The following TOX variants were observed in gnomAD, a reference collection of about 807,000 sequenced individuals.
TOX encodes thymocyte selection associated high mobility group box.
A neutral mutation model predicts 53.7 loss-of-function variants in TOX; 11 were observed. That is an observed-to-expected ratio of 0.20 (90% CI 0.13 to 0.34). TOX has a LOEUF of 0.34. Among genes scored for constraint, TOX ranks in the 10% least tolerant of loss-of-function variants. The pLI is 1.00. For missense variants in TOX, 570 were observed against 664.6 expected (o/e 0.86, Z 1.56); for synonymous variants, 225 against 245.3 (o/e 0.92, Z 0.77).
At chr8:58,930,115 T>G (rs1172700913) in intron 3 of TOX, among the ~76,000 whole-genome samples, 2 of 152,184 alleles carry the variant, frequency 1.3e-5, no homozygotes, top group African/African-American at 4.8e-5. Flanking sequence ...TTATAGAATT[T>G]TAGACACCAT....
At chr8:58,989,285 C>T (rs1271546672) in intron 1 of TOX, among the ~76,000 whole-genome samples, 2 of 151,652 alleles carry the variant, frequency 1.3e-5, no homozygotes, top group African/African-American at 4.9e-5. Context: ...CACTGCACTC[C>T]AGCCTGGGTG....
At chr8:58,820,061 T>C (rs748986495) in intron 6 of TOX, among the ~76,000 whole-genome samples, 74 of 152,292 alleles carry the variant, frequency 4.9e-4, no homozygotes, top group Non-Finnish European at 8.5e-4. Flanking sequence ...TTAACAGTCA[T>C]ACAATGATCC....
chr8:59,031,572 T>C (rs932628632), intron 1 of TOX, among the ~76,000 whole-genome samples: 2 of 152,098 alleles, frequency 1.3e-5, no homozygotes, highest in African/African-American at 4.8e-5. Flanking sequence ...AACCAACAAA[T>C]GGGAAAACTT....
intron 2 of TOX, among the ~76,000 whole-genome samples, chr8:58,946,102 G>A (rs938941357): frequency 7.9e-5 from 12 of 151,994 alleles, no homozygotes; most frequent in Non-Finnish European, 1.6e-4. Flanking sequence ...AAATAGTACT[G>A]CCATCAAACA....
At chr8:58,843,324 A>G (rs1458662470) in intron 4 of TOX, among the ~76,000 whole-genome samples, 1 of 152,222 alleles carries the variant, frequency 6.6e-6, no homozygotes, top group Non-Finnish European at 1.5e-5. Flanking sequence ...TCCTTCAATA[A>G]CTAAACTAGA....
At chr8:58,880,805 G>T (rs1275770255) in intron 3 of TOX, among the ~76,000 whole-genome samples, 1 of 152,156 alleles carries the variant, frequency 6.6e-6, no homozygotes, top group Non-Finnish European at 1.5e-5. Context: ...CATTACTTGA[G>T]AAGAAGCAAT....
intron 4 of TOX, among the ~76,000 whole-genome samples, chr8:58,848,948 C>A (rs1456515013): frequency 6.6e-6 from 1 of 152,040 alleles, no homozygotes; most frequent in Non-Finnish European, 1.5e-5. Flanking sequence ...GTTTAGTTCA[C>A]TTGTTAGAAA....
At chr8:59,040,718 A>G (rs1027591946) in intron 1 of TOX, among the ~76,000 whole-genome samples, 2 of 152,194 alleles carry the variant, frequency 1.3e-5, no homozygotes, top group Non-Finnish European at 2.9e-5. Context: ...CTTTGACTAG[A>G]AAGTCCAAGG....
Position 58,851,520 on chromosome 8 carries a change from A to G in TOX, c.693+4T>C. The stretch of plus-strand genomic sequence containing the variant: ...CATAGGTCCTAAAAATAACTTATTC[A>G]TACCTTAGAGGTATCATCGCCTTCA... On this transcript the variant is annotated splice_donor_region_variant and intron_variant, in intron 4 of 8. Transcript: ENST00000361421. The surrounding 1 kb of genome is among the most constrained non-coding windows in gnomAD (Gnocchi z 4.4). 6.2e-7 allele frequency: 1 copy of G among 1,612,168 alleles called. No individual in the cohort carries two copies. The highest frequency in any genetic ancestry group is 8.5e-7 in the Non-Finnish European group (1 of 1,179,436).
chr8:59,021,836 C>G (rs533860960), intron 1 of TOX, among the ~76,000 whole-genome samples: 1 of 152,106 alleles, frequency 6.6e-6, no homozygotes, highest in East Asian at 1.9e-4. Flanking sequence ...TTAACTTTTC[C>G]TGAAACTTTC....
chr8:58,966,541 G>A (rs749183902), intron 1 of TOX, among the ~76,000 whole-genome samples: 10 of 152,188 alleles, frequency 6.6e-5, no homozygotes, highest in Admixed American at 1.3e-4. Context: ...ACTTGGCCAC[G>A]GGTGGGCAAA....
At position 59,092,200 on chromosome 8, in the gene TOX, C is replaced by T. The variant is rs189094254; in HGVS notation, c.102+26686G>A. Among the ~76,000 whole-genome samples the T allele has an allele frequency of 1.9e-4, 27 of 145,086 alleles. No individual in the cohort carries two copies. The East Asian group carries it at 4.8e-3, about 26-fold the overall frequency. On this transcript the variant is annotated intron_variant, in intron 1 of 8. Coordinates refer to ENST00000361421, the MANE Select transcript of TOX (RefSeq NM_014729.3). ...CCAGGAGGTAGAGGTTGCAGTGAGTCGAGATCGCGCCACTGCACTCCAGCC... is the reference window on the plus strand; with the variant it reads ...CCAGGAGGTAGAGGTTGCAGTGAGTTGAGATCGCGCCACTGCACTCCAGCC...
At chr8:59,107,046 T>TGCGGA (rs35882293) in intron 1 of TOX, among the ~76,000 whole-genome samples, 4 of 58,206 alleles carry the variant, frequency 6.9e-5, no homozygotes, top group East Asian at 7.0e-4. Context: ...AGCAGTTTGC[T>TGCGGA]GGGGGGGGGG....
chr8:59,104,315 C>T (rs748012515), intron 1 of TOX, among the ~76,000 whole-genome samples: 1 of 152,088 alleles, frequency 6.6e-6, no homozygotes, highest in Admixed American at 6.5e-5. Context: ...TCCTGCAGGC[C>T]CCTCCCGGTT....
In TOX at chr8:58,838,700, T is replaced by TA. The variant is rs1810591796; in HGVS notation, c.694-390_694-389insT. On this transcript the variant is annotated intron_variant, in intron 4 of 8. Transcript: ENST00000361421. Reference sequence around the variant, plus strand: ...TTCTTCTAAGGAAGTTATCCTTGTCTTTTTTTTTTTTTTTTTTTTTGAGAT... The same window carrying TA: ...TTCTTCTAAGGAAGTTATCCTTGTCTATTTTTTTTTTTTTTTTTTTTGAGAT... Among the ~76,000 whole-genome samples the TA allele has an allele frequency of 4.3e-4, 6 of 13,806 alleles. No homozygotes were observed. In the Admixed American group the frequency reaches 8.6e-3, roughly 20 times the overall value. 9.1% of individuals were successfully genotyped at this position (13,806 alleles called of 152,430 possible). A position where few individuals can be genotyped will look rare whatever the true frequency, so the allele number is the denominator to read the frequency against.
At chr8:59,021,278 T>G (rs1030998425) in intron 1 of TOX, among the ~76,000 whole-genome samples, 1 of 150,568 alleles carries the variant, frequency 6.6e-6, no homozygotes, top group Non-Finnish European at 1.5e-5. Context: ...CAAGCTCTCC[T>G]GTGCACACTA....
intron 3 of TOX, among the ~76,000 whole-genome samples, chr8:58,895,515 C>T (rs529024519): frequency 4.0e-4 from 61 of 152,258 alleles, no homozygotes; most frequent in African/African-American, 1.3e-3. Flanking sequence ...GGTCTAAGTT[C>T]TATAGTATGC....
At chr8:58,858,004 A>G (rs544675019) in intron 3 of TOX, among the ~76,000 whole-genome samples, 1 of 152,296 alleles carries the variant, frequency 6.6e-6, no homozygotes, top group South Asian at 2.1e-4. Flanking sequence ...TCCTGACCTC[A>G]GGTGATCCAC....
chr8:58,978,975 A>C (rs891675749), intron 1 of TOX, among the ~76,000 whole-genome samples: 1 of 152,232 alleles, frequency 6.6e-6, no homozygotes, highest in Non-Finnish European at 1.5e-5. Context: ...TATTGCTAAA[A>C]ATAGAGCCTG....
Sources: gnomAD v4.1 joint callset for allele counts (sites outside exome capture counted in the v4.1 genomes callset) on GRCh38, gnomAD v4.1.1 for gene constraint, Gnocchi (gnomAD v3.1) non-coding constraint, MANE v1.5 for transcripts, NCBI Gene and HGNC (gene_info 2026-07-23, HGNC 2026-07-21) for gene names.